PAQR3: variants seen among roughly 807,000 people sequenced by gnomAD.
The protein encoded by PAQR3 is Raf kinase trapping to Golgi.
A neutral mutation model predicts 41.7 loss-of-function variants in PAQR3; 39 were observed. The observed-to-expected ratio is 0.93, with a 90% CI of 0.72 to 1.22. The LOEUF (loss-of-function observed/expected upper bound fraction) is 1.22. PAQR3 is among the 50% of genes most tolerant of loss of function. The pLI, the probability that PAQR3 is intolerant of heterozygous loss-of-function variation, is 0.00. For synonymous variants in PAQR3, 140 were observed against 140.6 expected (o/e 1.00, Z 0.03); for missense variants, 366 against 385.6 (o/e 0.95, Z 0.42).
rs1156401215 is a variant in PAQR3 at position 78,928,215 on chromosome 4, A to G, written c.505-1497T>C. Among the ~76,000 whole-genome samples the G allele has an allele frequency of 1.2e-4, 19 of 152,360 alleles. No individual in the cohort carries two copies. The South Asian group carries it at 3.5e-3, about 28-fold the overall frequency. ...AGATAAGCAAAACAATTCAAATATT[A>G]CATGGCTGTACTCACAAGCACCTGG... is the stretch of plus-strand genomic sequence containing the variant. On this transcript the variant is annotated intron_variant, in intron 3 of 5. Transcript: ENST00000512733.
At chr4:78,927,841 C>G (rs570946394) in intron 3 of PAQR3, among the ~76,000 whole-genome samples, 65 of 152,342 alleles carry the variant, frequency 4.3e-4, no homozygotes, top group African/African-American at 1.5e-3. Flanking sequence ...GGGCTATTAA[C>G]TTTCTGAAAT....
intron 2 of PAQR3, among the ~76,000 whole-genome samples, chr4:78,934,477 A>G (rs1388159921): frequency 6.6e-6 from 1 of 152,228 alleles, no homozygotes; most frequent in Non-Finnish European, 1.5e-5. Flanking sequence ...TTAAATGTCA[A>G]CAGAACTACA....
chr4:78,924,036 GT>G, intron 4 of PAQR3, 89 bp from the exon 5 acceptor site: 1 of 1,001,618 alleles, frequency 1.0e-6, no homozygotes, highest in Non-Finnish European at 1.5e-6. Context: ...ATTTAAGATT[GT>G]TAAATCTGAA....
chr4:78,893,319 C>T (rs1224597806), intron 11 of PAQR3, among the ~76,000 whole-genome samples: 2 of 152,186 alleles, frequency 1.3e-5, no homozygotes, highest in Admixed American at 6.6e-5. Flanking sequence ...TTCTCTTGCT[C>T]TTTCCATGAC....
chr4:78,927,751 T>C (rs1386259732), intron 3 of PAQR3, among the ~76,000 whole-genome samples: 1 of 152,226 alleles, frequency 6.6e-6, no homozygotes, highest in Non-Finnish European at 1.5e-5. Flanking sequence ...TGCAGGTATT[T>C]AAATAAGCAG....
At chr4:78,890,770 T>C (rs1389360174) in intron 11 of PAQR3, among the ~76,000 whole-genome samples, 4 of 152,232 alleles carry the variant, frequency 2.6e-5, no homozygotes, top group African/African-American at 7.2e-5. Flanking sequence ...GTCACACTTA[T>C]AATTCTAGTA....
At chr4:78,911,635 C>T (rs1734618335), downstream of PAQR3, 2 of 1,613,856 alleles carry the variant, frequency 1.2e-6, no homozygotes, top group Non-Finnish European at 1.7e-6. Context: ...CCGAGACTCT[C>T]AAAGTAGCAA....
chr4:78,936,577 C>T (rs537324085), intron 1 of PAQR3, among the ~76,000 whole-genome samples: 1 of 152,170 alleles, frequency 6.6e-6, no homozygotes, highest in Non-Finnish European at 1.5e-5. Flanking sequence ...TCAAAACTAT[C>T]AAATGATCAT....
downstream of PAQR3, chr4:78,911,285 A>G (rs755667868): frequency 1.9e-6 from 3 of 1,614,010 alleles, no homozygotes; most frequent in South Asian, 3.3e-5. Context: ...CAAGAATGCC[A>G]TGCAGTGGGG....
intron 11 of PAQR3, among the ~76,000 whole-genome samples, chr4:78,896,732 G>C (rs1010036278): frequency 6.6e-6 from 1 of 152,118 alleles, no homozygotes; most frequent in Non-Finnish European, 1.5e-5. Context: ...TATTTAAACT[G>C]TTTTTTATCA....
rs1735430948 is a variant in PAQR3, at chr4:78,919,416, T to G, written c.*1123A>C. ...TGATAGGGCAGTGAGTTCTATTTTT[T>G]AAGTATATACAATAAAAAGAAAGTT... On this transcript the variant is annotated 3_prime_UTR_variant, in exon 6 of 6. Transcript: ENST00000512733. The G allele has an allele frequency of 1.0e-6, 1 of 984,480 alleles. No individual in the cohort carries two copies. The highest frequency in any genetic ancestry group is 1.7e-5 in the African/African-American group (1 of 57,168). 61.0% of individuals were successfully genotyped at this position (984,480 alleles called of 1,614,324 possible). A position where few individuals can be genotyped will look rare whatever the true frequency, so the allele number is the denominator to read the frequency against.
chr4:78,939,079 C>T lies in PAQR3; in HGVS notation c.146G>A (p.Gly49Asp). 6.2e-7 allele frequency: 1 copy of T among 1,611,952 alleles called. No homozygotes were observed. Among genetic ancestry groups the T allele is most frequent in the Non-Finnish European group, 8.5e-7 (1 of 1,178,480 alleles). ...CCTGGACGGCAGGTAGGCCCGGTAG[C>T]CGTCGGTGATGTACGGGTTGTCCTT... ...SLKDNPYITDGYRAYLPSRLC... is the reference protein window; with the variant it reads ...SLKDNPYITDDYRAYLPSRLC... The change falls in exon 1 of 6, where the codon GGC (glycine) becomes GAC (aspartate). Residue 49 changes from glycine to aspartate, a missense_variant. Coordinates refer to ENST00000512733, the MANE Select transcript of PAQR3 (RefSeq NM_001040202.2).
Position 78,918,776 on chromosome 4 carries a change from TAAGTG to T in PAQR3, c.*1758_*1762del. 4.3e-5 allele frequency: 42 copies of T among 984,266 alleles called. No homozygotes were observed. Among genetic ancestry groups the T allele is most frequent in the Non-Finnish European group, 5.1e-5 (42 of 828,974 alleles). The allele number at this position is 984,266 out of a possible 1,614,324, so 61.0% of individuals were successfully genotyped here. A position where few individuals can be genotyped will look rare whatever the true frequency, so the allele number is the denominator to read the frequency against. On this transcript the variant is annotated 3_prime_UTR_variant, in exon 6 of 6. Transcript: ENST00000512733. ...AATGATTTTCCCCTCATTTTTAACT[TAAGTG>T]TAACTACTCAGTGTCTTTTGTTTGG...
intron 5 of PAQR3, chr4:78,922,324 G>C: frequency 7.8e-7 from 1 of 1,287,172 alleles, no homozygotes; most frequent in Non-Finnish European, 1.0e-6. Context: ...AGGATCTGTG[G>C]GATGGATTGT....
downstream of PAQR3, among the ~76,000 whole-genome samples, chr4:78,908,731 A>G (rs1734412027): frequency 6.6e-6 from 1 of 152,086 alleles, no homozygotes; most frequent in South Asian, 2.1e-4. Flanking sequence ...TCACTTTCCA[A>G]CTTACTCATT....
chr4:78,889,081 C>T (rs976810868), intron 11 of PAQR3, among the ~76,000 whole-genome samples: 14 of 152,012 alleles, frequency 9.2e-5, no homozygotes, highest in Admixed American at 6.5e-5. Context: ...ATCAGCCAGG[C>T]GTGGTGGTGG....
At chr4:78,887,338 C>T (rs1733152422) in intron 12 of PAQR3, 9 of 1,285,586 alleles carry the variant, frequency 7.0e-6, no homozygotes, top group Non-Finnish European at 1.0e-5. Flanking sequence ...ACAAGAACAA[C>T]AGCAAAATCT....
chr4:78,919,828 A>C lies in PAQR3; in HGVS notation c.*711T>G. 1.0e-6 allele frequency: 1 copy of C among 983,190 alleles called. No homozygotes were observed. Among genetic ancestry groups the C allele is most frequent in the Non-Finnish European group, 1.2e-6 (1 of 827,796 alleles). 60.9% of individuals were successfully genotyped at this position (983,190 alleles called of 1,614,324 possible). ...GCTAATGACTATATTATTTGACCAC[A>C]TAATTTGTTGTCTAATCTTGTACTT... On this transcript the variant is annotated 3_prime_UTR_variant, in exon 6 of 6. Coordinates refer to ENST00000512733, the MANE Select transcript of PAQR3 (RefSeq NM_001040202.2).
rs1241623084 is a variant in PAQR3, at chr4:78,903,837, G to A, written c.*836+2271C>T. Among the ~76,000 whole-genome samples, 3 of 151,904 alleles carry A rather than the reference G, an allele frequency of 2.0e-5. No individual in the cohort carries two copies. In the South Asian group the frequency reaches 6.2e-4, roughly 31 times the overall value. On this transcript the variant is annotated intron_variant and NMD_transcript_variant, in intron 11 of 12. Coordinates refer to the PAQR3 transcript ENST00000342820. ...GACAGGCCCATGTTTGTATTTTGTA[G>A]TGTGTTGGTGATAAACTGTTGAATT...
Sources: gnomAD v4.1 joint callset for allele counts (sites outside exome capture counted in the v4.1 genomes callset) on GRCh38, gnomAD v4.1.1 for gene constraint, MANE v1.5 for transcripts, NCBI Gene and HGNC (gene_info 2026-07-23, HGNC 2026-07-21) for gene names.